The following MARCHF1 variants were observed in gnomAD, a reference collection of about 807,000 sequenced individuals.
MARCHF1 encodes the protein E3 ubiquitin-protein ligase MARCHF1.
A neutral mutation model predicts 54.2 loss-of-function variants in MARCHF1; 40 were observed. The observed-to-expected ratio is 0.74, with a 90% confidence interval of 0.57 to 0.96. The LOEUF is 0.96. Ranked by LOEUF, MARCHF1 falls within the 40% of genes least tolerant of loss-of-function variation. The pLI, the probability that MARCHF1 is intolerant of heterozygous loss-of-function variation, is 0.00. For synonymous variants in MARCHF1, 236 were observed against 236.3 expected (o/e 1.00, Z 0.01); for missense variants, 586 against 656.5 (o/e 0.89, Z 1.17).
intron 2 of MARCHF1, among the ~76,000 whole-genome samples, chr4:164,080,707 T>C (rs997845047): frequency 6.6e-6 from 1 of 151,746 alleles, no homozygotes; most frequent in African/African-American, 2.4e-5. Context: ...TATATATCAT[T>C]GCAAAAAATT....
At chr4:164,362,016 T>A (rs939530277) in intron 1 of MARCHF1, among the ~76,000 whole-genome samples, 2 of 152,120 alleles carry the variant, frequency 1.3e-5, no homozygotes, top group African/African-American at 4.8e-5. Context: ...ATTATGCACT[T>A]GTAGATTTCA....
rs570216995 is a variant in MARCHF1 at position 164,033,676 on chromosome 4, T to C, written c.-247-44967A>G. 2.0e-5 allele frequency among the ~76,000 whole-genome samples: 3 copies of C among 152,146 alleles called. No individual in the cohort carries two copies. In the East Asian group the frequency reaches 5.8e-4, roughly 29 times the overall value. Reference sequence around the variant, plus strand: ...GTAGCCAACAAACATGAAAAAAAGCTCAACATCACTGATCATCAGAGAAAT... The same window carrying C: ...GTAGCCAACAAACATGAAAAAAAGCCCAACATCACTGATCATCAGAGAAAT... On this transcript the variant is annotated intron_variant, in intron 2 of 9. Coordinates refer to ENST00000514618, the MANE Select transcript of MARCHF1 (RefSeq NM_001394959.1).
At chr4:163,774,084 A>G (rs994075170) in intron 4 of MARCHF1, among the ~76,000 whole-genome samples, 1 of 152,212 alleles carries the variant, frequency 6.6e-6, no homozygotes, top group Admixed American at 6.5e-5. Flanking sequence ...CCCAGCAGAT[A>G]CTAAAATCCA....
intron 3 of MARCHF1, among the ~76,000 whole-genome samples, chr4:163,937,851 G>GA (rs1751832203): frequency 6.6e-6 from 1 of 152,016 alleles, no homozygotes; most frequent in East Asian, 1.9e-4. Flanking sequence ...TAAATTATAG[G>GA]AAATAAAGCA....
intron 1 of MARCHF1, among the ~76,000 whole-genome samples, chr4:164,320,423 G>A (rs951799351): frequency 4.6e-5 from 7 of 152,102 alleles, no homozygotes; most frequent in Admixed American, 6.6e-5. Context: ...ATGAGAAATC[G>A]TGGGCAAGGC....
intron 5 of MARCHF1, among the ~76,000 whole-genome samples, chr4:163,628,013 T>G (rs1377164737): frequency 6.6e-6 from 1 of 152,120 alleles, no homozygotes; most frequent in East Asian, 1.9e-4. Flanking sequence ...CTTTGTGATC[T>G]TGGAGTAGAA....
At chr4:163,646,811 T>G (rs1337356428) in intron 5 of MARCHF1, among the ~76,000 whole-genome samples, 1 of 151,968 alleles carries the variant, frequency 6.6e-6, no homozygotes, top group Middle Eastern at 3.2e-3. Flanking sequence ...AAAAAATTAT[T>G]GTAGCACAAA....
intron 1 of MARCHF1, among the ~76,000 whole-genome samples, chr4:164,115,570 C>A (rs1437663751): frequency 6.6e-6 from 1 of 152,016 alleles, no homozygotes; most frequent in Non-Finnish European, 1.5e-5. Context: ...TAATGTGACA[C>A]ATCATTTAAG....
intron 5 of MARCHF1, among the ~76,000 whole-genome samples, chr4:163,663,342 A>AC (rs144918545): frequency 0.029 from 4,426 of 150,734 alleles, 83 homozygotes; most frequent in Middle Eastern, 0.058. Context: ...ACAACTGACC[A>AC]CCCCCCAGGG....
At chr4:164,064,475 G>A (rs1399429225) in intron 2 of MARCHF1, among the ~76,000 whole-genome samples, 1 of 152,182 alleles carries the variant, frequency 6.6e-6, no homozygotes, top group African/African-American at 2.4e-5. Context: ...TTATAGGAAT[G>A]CTAGTGATTT....
At chr4:163,725,488 AAAGT>A (rs923908068) in intron 4 of MARCHF1, among the ~76,000 whole-genome samples, 1 of 152,160 alleles carries the variant, frequency 6.6e-6, no homozygotes, top group Non-Finnish European at 1.5e-5. Flanking sequence ...CAAAAAAAAA[AAAGT>A]AATAATAACA....
At chr4:163,667,616 C>A (rs1243756496) in intron 5 of MARCHF1, among the ~76,000 whole-genome samples, 2 of 151,768 alleles carry the variant, frequency 1.3e-5, no homozygotes, top group Non-Finnish European at 2.9e-5. Context: ...GCATAATGTC[C>A]ATTATTATAC....
At chr4:163,879,959 C>T (rs1341547758) in intron 3 of MARCHF1, among the ~76,000 whole-genome samples, 1 of 152,010 alleles carries the variant, frequency 6.6e-6, no homozygotes, top group Non-Finnish European at 1.5e-5. Context: ...CCTAAGGTAA[C>T]ATCTAATTAG....
intron 1 of MARCHF1, among the ~76,000 whole-genome samples, chr4:164,298,516 A>C (rs1380946762): frequency 6.6e-6 from 1 of 152,086 alleles, no homozygotes. Flanking sequence ...ATATATTTTA[A>C]ACAATTTTCA....
At chr4:163,790,547 G>A (rs979541083) in intron 4 of MARCHF1, among the ~76,000 whole-genome samples, 2 of 152,046 alleles carry the variant, frequency 1.3e-5, no homozygotes, top group African/African-American at 2.4e-5. Context: ...GAAGCCACCT[G>A]CATTTCACAG....
rs376001711 is a variant in MARCHF1 at position 164,236,205 on chromosome 4, T to C, written c.-322-124543A>G. On this transcript the variant is annotated intron_variant, in intron 1 of 9. Transcript: ENST00000514618. Reference sequence around the variant, plus strand: ...CTCTTGAACACTAAATTAGCAAATATTGAACCATTGCTTCTAAGGGAAATA... The same window carrying C: ...CTCTTGAACACTAAATTAGCAAATACTGAACCATTGCTTCTAAGGGAAATA... 1.5e-4 allele frequency among the ~76,000 whole-genome samples: 23 copies of C among 152,228 alleles called. No homozygotes were observed. The South Asian group carries it at 3.5e-3, about 23-fold the overall frequency.
intron 1 of MARCHF1, among the ~76,000 whole-genome samples, chr4:164,311,060 C>T (rs995824663): frequency 1.3e-5 from 2 of 152,112 alleles, no homozygotes; most frequent in Non-Finnish European, 2.9e-5. Flanking sequence ...ATTCTAATAG[C>T]ACTCTAAATG....
intron 1 of MARCHF1, among the ~76,000 whole-genome samples, chr4:164,182,862 T>C (rs76313490): frequency 0.15 from 22,210 of 151,916 alleles, 2,198 homozygotes; most frequent in African/African-American, 0.26. Context: ...TTAATGGAGA[T>C]ATAAAATATC....
chr4:164,041,141 T>A (rs1246428262), intron 2 of MARCHF1, among the ~76,000 whole-genome samples: 1 of 152,110 alleles, frequency 6.6e-6, no homozygotes, highest in East Asian at 1.9e-4. Flanking sequence ...CACCTCTCAA[T>A]ATATGGCAAA....
Sources: allele counts gnomAD v4.1 joint callset (sites outside exome capture counted in the v4.1 genomes callset), GRCh38; gene constraint gnomAD v4.1.1; transcripts MANE v1.5; gene names NCBI Gene and HGNC (gene_info 2026-07-23, HGNC 2026-07-21).